The following BNC2 variants were observed in gnomAD, a reference collection of about 807,000 sequenced individuals.
BNC2 encodes basonuclin zinc finger protein 2.
In BNC2, 20 loss-of-function variants were observed where a neutral mutation model predicts 76.3. The observed-to-expected ratio is 0.26, with a 90% CI of 0.18 to 0.38. BNC2 has a LOEUF of 0.38. BNC2 is among the 10% of genes least tolerant of loss of function. The pLI is 1.00. For missense variants in BNC2, 1,382 were observed against 1,399.8 expected, an observed-to-expected ratio of 0.99 and a Z score of 0.20; for synonymous variants, 582 against 514.8, an observed-to-expected ratio of 1.13 and a Z score of -1.77.
At chr9:16,632,658 G>C (rs1821196932) in intron 3 of BNC2, among the ~76,000 whole-genome samples, 1 of 152,108 alleles carries the variant, frequency 6.6e-6, no homozygotes, top group Non-Finnish European at 1.5e-5. Context: ...ATACACTTAG[G>C]TCTAGAACAC....
At chr9:16,450,624 T>C (rs148347254) in intron 5 of BNC2, among the ~76,000 whole-genome samples, 146 of 152,340 alleles carry the variant, frequency 9.6e-4, no homozygotes, top group African/African-American at 3.4e-3. Context: ...CACAGGTTTG[T>C]ACAGAGAGGC....
intron 6 of BNC2, chr9:16,421,347 A>G (rs1207203047): frequency 1.2e-5 from 14 of 1,166,304 alleles, no homozygotes; most frequent in Non-Finnish European, 1.5e-5. Flanking sequence ...GAGAGAAAGA[A>G]AGAGAAAGAG....
intron 3 of BNC2, chr9:16,665,174 G>A (rs1234343469): frequency 9.6e-6 from 4 of 414,626 alleles, no homozygotes; most frequent in African/African-American, 6.3e-5. Context: ...TTTGAGACCA[G>A]CCTGAAAAAC....
chr9:16,706,977 C>T (rs923290639), intron 3 of BNC2, among the ~76,000 whole-genome samples: 8 of 152,156 alleles, frequency 5.3e-5, no homozygotes, highest in South Asian at 2.1e-4. Flanking sequence ...CCGAGACGGG[C>T]GGATCACGAG....
At chr9:16,764,922 T>C (rs1023813365) in intron 1 of BNC2, among the ~76,000 whole-genome samples, 1 of 149,990 alleles carries the variant, frequency 6.7e-6, no homozygotes, top group African/African-American at 2.5e-5. Flanking sequence ...GGAGGAGGGA[T>C]GGGGAAGAAG....
chr9:16,727,780 G>C lies in BNC2; in HGVS notation c.330+17C>G. On this transcript the variant is annotated intron_variant, in intron 3 of 6. Transcript: ENST00000380672. ...TTAAAAAAAAGAAAAAAAAAATCAA[G>C]AAAGAAAGTAACTTACCTGTTGGGA... The C allele has an allele frequency of 1.3e-6, 2 of 1,596,106 alleles. No homozygotes were observed. The highest frequency in any genetic ancestry group is 8.5e-7 in the Non-Finnish European group (1 of 1,172,084).
At chr9:16,470,555 C>T (rs1253539938) in intron 5 of BNC2, among the ~76,000 whole-genome samples, 1 of 152,184 alleles carries the variant, frequency 6.6e-6, no homozygotes, top group Non-Finnish European at 1.5e-5. Context: ...ATGGGCTGAG[C>T]CCAGGGTCCC....
chr9:16,834,896 G>C (rs1399870912), intron 1 of BNC2, among the ~76,000 whole-genome samples: 1 of 152,006 alleles, frequency 6.6e-6, no homozygotes, highest in Non-Finnish European at 1.5e-5. Context: ...ATTCTACAAA[G>C]GGTAATACAT....
rs1191107098 is a variant in BNC2, at chr9:16,437,499, C to G, written c.695G>C (p.Arg232Pro). Residue 232 changes from arginine to proline, a missense_variant, in exon 6 of 7, where the codon CGC (arginine) becomes CCC (proline). By Grantham distance (103) the Arg-to-Pro change is moderately radical (BLOSUM62 -2). Around this residue, in one of 3 missense-constraint regions of BNC2, gnomAD observed 557 missense variants for 540.9 expected, o/e 1.03. Transcript: ENST00000380672. Reference protein sequence around the residue: ...LQDAAGKVLDRWAIMSREEEI... With the variant: ...LQDAAGKVLDPWAIMSREEEI... ...CTCTTCTCGAGACATGATGGCCCAG[C>G]GGTCCAGCACCTTGCCAGCAGCATC... The G allele has an allele frequency of 6.2e-7, 1 of 1,612,866 alleles. No individual in the cohort carries two copies. Among genetic ancestry groups the G allele is most frequent in the South Asian group, 1.1e-5 (1 of 91,066 alleles).
chr9:16,575,338 G>T (rs1365270014), intron 4 of BNC2: 41 of 985,260 alleles, frequency 4.2e-5, no homozygotes, highest in Non-Finnish European at 4.7e-5. Flanking sequence ...CTTACCAGCA[G>T]ACCAGCAGTG....
intron 5 of BNC2, among the ~76,000 whole-genome samples, chr9:16,502,968 G>A (rs1316116112): frequency 2.0e-5 from 3 of 152,096 alleles, no homozygotes. Context: ...TTATGGGATT[G>A]TAACTCAATC....
chr9:16,473,584 C>A (rs559826100), intron 5 of BNC2, among the ~76,000 whole-genome samples: 1 of 152,102 alleles, frequency 6.6e-6, no homozygotes, highest in Non-Finnish European at 1.5e-5. Context: ...CATGAAGATA[C>A]GATGATGGGA....
At chr9:16,510,750 A>AG (rs1822735665) in intron 5 of BNC2, among the ~76,000 whole-genome samples, 1 of 152,212 alleles carries the variant, frequency 6.6e-6, no homozygotes, top group Admixed American at 6.5e-5. Context: ...ATCAAATTTT[A>AG]TCACTGAGTG....
At chr9:16,689,624 G>T (rs1030024401) in intron 3 of BNC2, among the ~76,000 whole-genome samples, 1 of 149,504 alleles carries the variant, frequency 6.7e-6, no homozygotes, top group South Asian at 2.1e-4. Flanking sequence ...CCTTGGAAAA[G>T]AATGATATAC....
intron 5 of BNC2, among the ~76,000 whole-genome samples, chr9:16,487,825 C>T (rs926189321): frequency 1.3e-5 from 2 of 152,196 alleles, no homozygotes; most frequent in Admixed American, 1.3e-4. Context: ...AATATTCTTT[C>T]TCTTCCTCGA....
intron 1 of BNC2, among the ~76,000 whole-genome samples, chr9:16,843,625 TGCCCA>T (rs1387798498): frequency 6.6e-6 from 1 of 152,274 alleles, no homozygotes; most frequent in Non-Finnish European, 1.5e-5. Context: ...TGAGCCACCA[TGCCCA>T]GCCTACATAT....
At chr9:16,534,003 G>T (rs776372688) in intron 5 of BNC2, among the ~76,000 whole-genome samples, 2 of 152,184 alleles carry the variant, frequency 1.3e-5, no homozygotes, top group South Asian at 4.1e-4. Context: ...AAACATCCAC[G>T]TCTACCTAAC....
Position 16,413,162 on chromosome 9 carries a change from T to G in BNC2, c.*5827A>C, listed in dbSNP as rs1317127721. ...TCCACTATTTGTTACAGACTGAGCCTTGGTCTTCATATCCTATATAAAAAA... is the reference window on the plus strand; with the variant it reads ...TCCACTATTTGTTACAGACTGAGCCGTGGTCTTCATATCCTATATAAAAAA... On this transcript the variant is annotated 3_prime_UTR_variant, in exon 7 of 7. Coordinates refer to ENST00000380672, the MANE Select transcript of BNC2 (RefSeq NM_017637.6). The G allele has an allele frequency of 6.6e-6, 1 of 151,680 alleles. No individual in the cohort carries two copies. The highest frequency in any genetic ancestry group is 1.5e-5 in the Non-Finnish European group (1 of 67,982). The allele number at this position is 151,680 out of a possible 1,614,324, so 9.4% of individuals were successfully genotyped here. A position where few individuals can be genotyped will look rare whatever the true frequency, so the allele number is the denominator to read the frequency against.
intron 3 of BNC2, among the ~76,000 whole-genome samples, chr9:16,639,532 T>A (rs962314987): frequency 3.3e-5 from 5 of 152,126 alleles, no homozygotes; most frequent in African/African-American, 1.2e-4. Flanking sequence ...CTTCGTTAAT[T>A]CTCATATCAA....
Sources: gnomAD v4.1 joint callset for allele counts (sites outside exome capture counted in the v4.1 genomes callset) on GRCh38, gnomAD v4.1.1 for gene constraint, gnomAD v4.1.1 regional missense constraint, MANE v1.5 for transcripts, NCBI Gene and HGNC (gene_info 2026-07-23, HGNC 2026-07-21) for gene names.